ABHD17B: variants seen among roughly 807,000 people sequenced by gnomAD.
The protein encoded by ABHD17B is abhydrolase domain containing 17B, depalmitoylase.
In ABHD17B, 9 loss-of-function variants were observed where a neutral mutation model predicts 26.2. The observed-to-expected ratio is 0.34, with a 90% CI of 0.21 to 0.60. The LOEUF is 0.60. Ranked by LOEUF, ABHD17B falls within the 20% of genes least tolerant of loss-of-function variation. The pLI, the probability that ABHD17B is intolerant of heterozygous loss-of-function variation, is 0.80. For synonymous variants in ABHD17B, 127 were observed against 122.3 expected, an observed-to-expected ratio of 1.04 and a Z score of -0.25; for missense variants, 224 against 352.1, an observed-to-expected ratio of 0.64 and a Z score of 2.91.
intron 1 of ABHD17B, among the ~76,000 whole-genome samples, chr9:71,905,955 G>A (rs1225732159): frequency 6.6e-6 from 1 of 152,130 alleles, no homozygotes; most frequent in African/African-American, 2.4e-5. Context: ...GCCCAGGTGG[G>A]AGGATTGTTT....
At chr9:71,873,240 A>C (rs1384003742) in intron 2 of ABHD17B, among the ~76,000 whole-genome samples, 1 of 152,052 alleles carries the variant, frequency 6.6e-6, no homozygotes. Context: ...AATACACTGA[A>C]GTCTACCAAA....
At chr9:71,885,972 T>C (rs1476090406) in intron 1 of ABHD17B, among the ~76,000 whole-genome samples, 1 of 152,230 alleles carries the variant, frequency 6.6e-6, no homozygotes, top group East Asian at 1.9e-4. Context: ...AGAATGCTTA[T>C]ATCTTTCTTC....
Position 71,866,424 on chromosome 9 carries a change from T to C in ABHD17B, c.*363A>G. On this transcript the variant is annotated 3_prime_UTR_variant, in exon 4 of 4. Transcript: ENST00000333421. ...ATTACAGTTGTATTCCAGGATAAGA[T>C]TTAATATATTGAGATGTTTTAAAAA... The C allele has an allele frequency of 1.0e-6, 1 of 992,572 alleles. No individual in the cohort carries two copies. Among genetic ancestry groups the C allele is most frequent in the Non-Finnish European group, 1.2e-6 (1 of 825,726 alleles). The allele number at this position is 992,572 out of a possible 1,614,324, so 61.5% of individuals were successfully genotyped here. A position where few individuals can be genotyped will look rare whatever the true frequency, so the allele number is the denominator to read the frequency against.
In ABHD17B at chr9:71,865,567, T is replaced by A. The variant is rs1025814033; in HGVS notation, c.*1220A>T. ...AATCCAAAACAATAGGTCCTATTTTTAAAAATAGCTAAAGTGGGCCAGGCG... is the reference window on the plus strand; with the variant it reads ...AATCCAAAACAATAGGTCCTATTTTAAAAAATAGCTAAAGTGGGCCAGGCG... On this transcript the variant is annotated 3_prime_UTR_variant, in exon 4 of 4. Transcript: ENST00000333421. The A allele has an allele frequency of 8.1e-6, 8 of 985,140 alleles. No homozygotes were observed. The East Asian group carries it at 4.5e-4, about 56-fold the overall frequency. The allele number at this position is 985,140 out of a possible 1,614,324, so 61.0% of individuals were successfully genotyped here. A position where few individuals can be genotyped will look rare whatever the true frequency, so the allele number is the denominator to read the frequency against.
At chr9:71,907,084 G>A (rs1298829233) in intron 1 of ABHD17B, among the ~76,000 whole-genome samples, 1 of 152,134 alleles carries the variant, frequency 6.6e-6, no homozygotes, top group Non-Finnish European at 1.5e-5. Context: ...AAGAACCACT[G>A]CTCTAGAAGT....
chr9:71,878,492 A>C (rs73469945), intron 1 of ABHD17B, among the ~76,000 whole-genome samples: 4,061 of 152,290 alleles, frequency 0.027, 191 homozygotes, highest in African/African-American at 0.093. Context: ...AAAAACAACA[A>C]ACTACTTAAA....
chr9:71,875,011 A>G lies in ABHD17B; in HGVS notation c.70T>C (p.Ser24Pro). Residue 24 changes from serine to proline, a missense_variant, in exon 2 of 4, where the codon TCA becomes CCA. Coordinates refer to ENST00000333421, the MANE Select transcript of ABHD17B (RefSeq NM_001025780.3). ...TCAGGTGGCAAAAACGCTAATTTTGAAGCAATCTTCCCTGGACAAGGTGGA... is the reference window on the plus strand; with the variant it reads ...TCAGGTGGCAAAAACGCTAATTTTGGAGCAATCTTCCCTGGACAAGGTGGA... The part of the protein sequence containing the change: ...CCPPCPGKIA[S>P]KLAFLPPDPT... 6.2e-7 allele frequency: 1 copy of G among 1,614,146 alleles called. No homozygotes were observed. Among genetic ancestry groups the G allele is most frequent in the Non-Finnish European group, 8.5e-7 (1 of 1,180,028 alleles).
chr9:71,891,060 C>A (rs561840404), intron 1 of ABHD17B, among the ~76,000 whole-genome samples: 1 of 151,998 alleles, frequency 6.6e-6, no homozygotes, highest in Admixed American at 6.6e-5. Context: ...AAAGGTCTGG[C>A]GAAGTAAACT....
intron 1 of ABHD17B, among the ~76,000 whole-genome samples, chr9:71,887,450 C>T (rs1349005568): frequency 1.8e-4 from 27 of 152,166 alleles, no homozygotes; most frequent in Admixed American, 1.8e-3. Context: ...CTTTTTATTA[C>T]TTTTGTTTTC....
chr9:71,896,280 T>C (rs1826950959), intron 1 of ABHD17B, among the ~76,000 whole-genome samples: 1 of 152,212 alleles, frequency 6.6e-6, no homozygotes, highest in Admixed American at 6.5e-5. Context: ...ATTTCTACAT[T>C]GTACTCCTGA....
chr9:71,880,647 T>A (rs1016776488), intron 1 of ABHD17B, among the ~76,000 whole-genome samples: 1 of 152,116 alleles, frequency 6.6e-6, no homozygotes, highest in Non-Finnish European at 1.5e-5. Context: ...TACAGTTCAA[T>A]GTTAGCTAGC....
Position 71,896,970 on chromosome 9 carries a change from A to G in ABHD17B, c.-4+13664T>C, listed in dbSNP as rs372146210. On this transcript the variant is annotated intron_variant, in intron 1 of 3. Coordinates refer to ENST00000333421, the MANE Select transcript of ABHD17B (RefSeq NM_001025780.3). ...TCTTAGAATAAGGGTTAAGATGTTCAGTGGTGGGTGCCCAAGAGGAAGTAC... is the reference window on the plus strand; with the variant it reads ...TCTTAGAATAAGGGTTAAGATGTTCGGTGGTGGGTGCCCAAGAGGAAGTAC... Among the ~76,000 whole-genome samples, 89 of 152,312 alleles carry G rather than the reference A, an allele frequency of 5.8e-4. 1 individual carries two copies. The East Asian group carries it at 0.015, about 26-fold the overall frequency.
At chr9:71,889,214 G>A (rs928938382) in intron 1 of ABHD17B, among the ~76,000 whole-genome samples, 1 of 151,892 alleles carries the variant, frequency 6.6e-6, no homozygotes, top group Non-Finnish European at 1.5e-5. Context: ...CTACTCGGGA[G>A]GCTGAGGCAG....
chr9:71,877,020 C>T (rs1429665334), intron 1 of ABHD17B, among the ~76,000 whole-genome samples: 7 of 152,198 alleles, frequency 4.6e-5, no homozygotes, highest in Non-Finnish European at 1.0e-4. Context: ...CATCTGCTAA[C>T]TTTAACTGAG....
chr9:71,882,292 C>T (rs148711941), intron 1 of ABHD17B, among the ~76,000 whole-genome samples: 1,543 of 152,344 alleles, frequency 0.01, 87 homozygotes, highest in Admixed American at 0.094. Flanking sequence ...CTTGTACATG[C>T]ATGTGCAGCA....
chr9:71,903,670 G>C (rs1232724199), intron 1 of ABHD17B, among the ~76,000 whole-genome samples: 1 of 152,160 alleles, frequency 6.6e-6, no homozygotes, highest in Non-Finnish European at 1.5e-5. Context: ...CATGAAAAAG[G>C]TTTAGGGTTT....
intron 1 of ABHD17B, among the ~76,000 whole-genome samples, chr9:71,893,968 T>C (rs953820060): frequency 1.3e-5 from 2 of 151,774 alleles, no homozygotes; most frequent in African/African-American, 4.8e-5. Flanking sequence ...CGGGCACCTG[T>C]AGTCCCAGCT....
At chr9:71,902,208 C>T (rs1022428230) in intron 1 of ABHD17B, among the ~76,000 whole-genome samples, 19 of 152,290 alleles carry the variant, frequency 1.2e-4, no homozygotes, top group African/African-American at 4.6e-4. Context: ...TCTCCCCTGA[C>T]CCGTGCCCAT....
Position 71,885,752 on chromosome 9 carries a change from C to T in ABHD17B, c.-3-10669G>A, listed in dbSNP as rs144680275. On this transcript the variant is annotated intron_variant, in intron 1 of 3. Coordinates refer to ENST00000333421, the MANE Select transcript of ABHD17B (RefSeq NM_001025780.3). Reference sequence around the variant, plus strand: ...ACTGTATCTCCTTCCTCTCTTCTAACGTAAGAAATTACTGACATGACTCCT... The same window carrying T: ...ACTGTATCTCCTTCCTCTCTTCTAATGTAAGAAATTACTGACATGACTCCT... Among the ~76,000 whole-genome samples, 16 of 152,202 alleles carry T rather than the reference C, an allele frequency of 1.1e-4. No homozygotes were observed. The East Asian group carries it at 2.1e-3, about 20-fold the overall frequency.
Sources: allele counts gnomAD v4.1 joint callset (sites outside exome capture counted in the v4.1 genomes callset), GRCh38; gene constraint gnomAD v4.1.1; transcripts MANE v1.5; gene names NCBI Gene and HGNC (gene_info 2026-07-23, HGNC 2026-07-21).